DPP10: variants seen among roughly 807,000 people sequenced by gnomAD.
DPP10 encodes dipeptidyl peptidase like 10, also known as inactive dipeptidyl peptidase 10.
In DPP10, 33 loss-of-function variants were observed where a neutral mutation model predicts 120.9. The ratio of observed to expected loss-of-function variants is 0.27; its 90% CI spans 0.21 to 0.37. The LOEUF (loss-of-function observed/expected upper bound fraction) is 0.37. Ranked by LOEUF, DPP10 falls within the 10% of genes least tolerant of loss-of-function variation. The pLI, the probability that DPP10 is intolerant of heterozygous loss-of-function variation, is 1.00. For synonymous variants in DPP10, 337 were observed against 326.1 expected, an observed-to-expected ratio of 1.03 and a Z score of -0.36; for missense variants, 816 against 942.8, an observed-to-expected ratio of 0.87 and a Z score of 1.76.
At chr2:115,636,357 A>G (rs1046631433) in intron 5 of DPP10, among the ~76,000 whole-genome samples, 1 of 152,236 alleles carries the variant, frequency 6.6e-6, no homozygotes, top group African/African-American at 2.4e-5. Context: ...GACCGAAAAG[A>G]TATAAAGAAC....
intron 13 of DPP10, among the ~76,000 whole-genome samples, chr2:115,769,556 A>T (rs1194379639): frequency 6.6e-6 from 1 of 152,018 alleles, no homozygotes; most frequent in Non-Finnish European, 1.5e-5. Context: ...CACAGTACAG[A>T]TGTAGATTGA....
chr2:115,555,154 C>T (rs2080127510), intron 5 of DPP10, among the ~76,000 whole-genome samples: 2 of 151,848 alleles, frequency 1.3e-5, no homozygotes, highest in Admixed American at 1.3e-4. Flanking sequence ...AATTTATTTC[C>T]AATTTAAGAA....
At chr2:115,101,290 C>T (rs1166143862) in intron 1 of DPP10, among the ~76,000 whole-genome samples, 2 of 152,134 alleles carry the variant, frequency 1.3e-5, no homozygotes, top group African/African-American at 2.4e-5. Flanking sequence ...CTCAGAAATT[C>T]ATGATGGAAA....
intron 1 of DPP10, among the ~76,000 whole-genome samples, chr2:115,097,939 A>C (rs982461303): frequency 6.6e-6 from 1 of 152,198 alleles, no homozygotes; most frequent in African/African-American, 2.4e-5. Flanking sequence ...GCTTACTGGA[A>C]ATTGCCTTGG....
chr2:114,544,999 C>T (rs1687266227), intron 1 of DPP10, among the ~76,000 whole-genome samples: 1 of 151,762 alleles, frequency 6.6e-6, no homozygotes, highest in Admixed American at 6.6e-5. Flanking sequence ...TTACAGGCGC[C>T]CGCCACCATG....
At chr2:115,815,062 A>C in intron 20 of DPP10, 75 bp downstream of exon 20, 1 of 1,343,734 alleles carries the variant, frequency 7.4e-7, no homozygotes, top group Non-Finnish European at 9.9e-7. Flanking sequence ...AATATTACTA[A>C]CCCTGACTCA....
At chr2:114,730,999 G>A (rs1676858262) in intron 1 of DPP10, among the ~76,000 whole-genome samples, 1 of 151,864 alleles carries the variant, frequency 6.6e-6, no homozygotes, top group African/African-American at 2.4e-5. Context: ...TCTAAATGGA[G>A]GGTCAAATCT....
chr2:115,660,285 A>G (rs4849416), intron 5 of DPP10, among the ~76,000 whole-genome samples: 134,308 of 152,164 alleles, frequency 0.88, 61,468 homozygotes, highest in Non-Finnish European at 1. Flanking sequence ...TCAATGTTTA[A>G]CATAATCAAG....
At chr2:114,688,362 T>A (rs778713827) in intron 1 of DPP10, among the ~76,000 whole-genome samples, 1 of 152,080 alleles carries the variant, frequency 6.6e-6, no homozygotes. Context: ...CTATTTTTTC[T>A]ACCTAGATGT....
intron 5 of DPP10, among the ~76,000 whole-genome samples, chr2:115,601,924 G>A (rs1350208642): frequency 2.0e-5 from 3 of 150,934 alleles, no homozygotes; most frequent in Admixed American, 6.6e-5. Context: ...CTTGTGATCC[G>A]CCTGCCTTGG....
In DPP10 at chr2:114,500,462, A is replaced by G. The variant is rs142589041; in HGVS notation, c.60+57624A>G. ...TTAAGTATTGGAAAGCCTTGATACA[A>G]TGCTAATTTGGAAGCATTATACCAA... On this transcript the variant is annotated intron_variant, in intron 1 of 25. Coordinates refer to ENST00000410059, the MANE Select transcript of DPP10 (RefSeq NM_020868.6). 1.4e-3 allele frequency among the ~76,000 whole-genome samples: 216 copies of G among 152,360 alleles called. 1 individual carries two copies. Among genetic ancestry groups the G allele is most frequent in the African/African-American group, 5.0e-3 (209 of 41,586 alleles).
chr2:115,437,974 G>A (rs2071647400), intron 3 of DPP10, among the ~76,000 whole-genome samples: 1 of 152,008 alleles, frequency 6.6e-6, no homozygotes, highest in South Asian at 2.1e-4. Flanking sequence ...AGGAGAAAAA[G>A]TTGTATCTGC....
At chr2:115,384,653 AAGG>A (rs1167357323) in intron 3 of DPP10, among the ~76,000 whole-genome samples, 3 of 148,320 alleles carry the variant, frequency 2.0e-5, no homozygotes, top group African/African-American at 7.5e-5. Flanking sequence ...GAAGAAGAAG[AAGG>A]AAGAAGAAGA....
At chr2:114,538,746 G>T (rs1686713677) in intron 1 of DPP10, among the ~76,000 whole-genome samples, 1 of 152,204 alleles carries the variant, frequency 6.6e-6, no homozygotes, top group Admixed American at 6.5e-5. Context: ...GACAGATGCA[G>T]CATGTATGGA....
chr2:115,618,147 A>G (rs2084669427), intron 5 of DPP10, among the ~76,000 whole-genome samples: 1 of 152,210 alleles, frequency 6.6e-6, no homozygotes, highest in Non-Finnish European at 1.5e-5. Flanking sequence ...ACCAAGGATA[A>G]GGATGGTCTC....
chr2:115,175,479 G>T (rs2053627572), intron 1 of DPP10, among the ~76,000 whole-genome samples: 1 of 152,026 alleles, frequency 6.6e-6, no homozygotes, highest in Non-Finnish European at 1.5e-5. Context: ...TTGCACATGG[G>T]GCAAGCTACT....
chr2:114,824,705 G>A (rs1686377148), intron 1 of DPP10, among the ~76,000 whole-genome samples: 1 of 152,002 alleles, frequency 6.6e-6, no homozygotes, highest in African/African-American at 2.4e-5. Flanking sequence ...TTATTGCTAG[G>A]AAGAATCTAA....
intron 1 of DPP10, among the ~76,000 whole-genome samples, chr2:114,947,159 T>C (rs867423691): frequency 1.7e-4 from 26 of 152,062 alleles, no homozygotes; most frequent in South Asian, 8.3e-4. Flanking sequence ...GTGTCCTTTT[T>C]AGTTGATCAT....
chr2:115,097,277 T>C (rs1573602318), intron 1 of DPP10, among the ~76,000 whole-genome samples: 1 of 152,166 alleles, frequency 6.6e-6, no homozygotes, highest in East Asian at 1.9e-4. Flanking sequence ...TATTAAAAAT[T>C]GTGTCTCTGA....
Sources: gnomAD v4.1 joint callset for allele counts (sites outside exome capture counted in the v4.1 genomes callset) on GRCh38, gnomAD v4.1.1 for gene constraint, MANE v1.5 for transcripts, NCBI Gene and HGNC (gene_info 2026-07-23, HGNC 2026-07-21) for gene names.